DGKK: variants seen among roughly 807,000 people sequenced by gnomAD.
DGKK encodes the protein diacylglycerol kinase kappa.
A neutral mutation model predicts 92.2 loss-of-function variants in DGKK; 35 were observed. The ratio of observed to expected loss-of-function variants is 0.38; its 90% confidence interval spans 0.29 to 0.50. The LOEUF is 0.50. Ranked by LOEUF, DGKK falls within the 20% of genes least tolerant of loss-of-function variation. The probability of loss-of-function intolerance (pLI) is 0.92; values close to 1 mark genes in which losing one functional copy is unlikely to be tolerated. For missense variants in DGKK, 910 were observed against 992.2 expected (o/e 0.92, Z 1.11); for synonymous variants, 368 against 360.6 (o/e 1.02, Z -0.23).
Position 50,408,672 on chromosome X carries a change from C to T in DGKK, c.943-4488G>A, listed in dbSNP as rs527816773. Among the ~76,000 whole-genome samples, 958 of 111,700 alleles carry T rather than the reference C, an allele frequency of 8.6e-3. 7 individuals are homozygous for T. The highest frequency in any genetic ancestry group is 0.037 in the Middle Eastern group (8 of 215). On this transcript the variant is annotated intron_variant, in intron 4 of 27. Coordinates refer to ENST00000611977, the MANE Select transcript of DGKK (RefSeq NM_001013742.4). ...TGCTGGGATTACAGGCATGAGCCAC[C>T]GCGCCCGGCCATTTTATCCCTTTCA...
At chrX:50,374,427 A>G (rs1924219439) in intron 25 of DGKK, among the ~76,000 whole-genome samples, 1 of 111,714 alleles carries the variant, frequency 9.0e-6, no homozygotes, top group Non-Finnish European at 1.9e-5. Flanking sequence ...CTTGATTTGG[A>G]CTTCTAGCTT....
intron 17 of DGKK, among the ~76,000 whole-genome samples, chrX:50,382,864 T>C (rs1368257271): frequency 8.9e-6 from 1 of 112,126 alleles, no homozygotes; most frequent in East Asian, 2.8e-4. Context: ...GCAACATTGA[T>C]GATTTTAGTC....
In DGKK at chrX:50,424,337, T is replaced by C; in HGVS notation, c.667A>G (p.Met223Val). The C allele has an allele frequency of 8.3e-7, 1 of 1,210,309 alleles. No individual in the cohort carries two copies. Among genetic ancestry groups the C allele is most frequent in the Non-Finnish European group, 1.1e-6 (1 of 894,287 alleles). The change falls in exon 2 of 28, where the codon ATG becomes GTG. Residue 223 changes from methionine to valine, a missense_variant. Transcript: ENST00000611977. ...TTGAAAGAGTTACAGTTCTTCAGCA[T>C]AGGTCCTTCCTTCAATATTTTCTGA... ...RIKKILKEGP[M>V]LKNCNSFKRW...
chrX:50,429,581 T>G lies in DGKK; in HGVS notation c.646-5223A>C, dbSNP rs909878490. ...GCGGGCGCCTGTAGTCCCAGCTACT[T>G]GGGAGGCTGAGGCAGGAGACTGGCG... is the stretch of plus-strand genomic sequence containing the variant. On this transcript the variant is annotated intron_variant, in intron 1 of 27. Transcript: ENST00000611977. Among the ~76,000 whole-genome samples the G allele has an allele frequency of 7.2e-5, 8 of 110,812 alleles. No homozygotes were observed. In the East Asian group the frequency reaches 2.3e-3, roughly 32 times the overall value.
chrX:50,371,797 G>T lies in DGKK; in HGVS notation c.3539C>A (p.Ala1180Asp), dbSNP rs969577730. The T allele has an allele frequency of 8.3e-7, 1 of 1,206,324 alleles. No individual in the cohort carries two copies. Among genetic ancestry groups the T allele is most frequent in the African/African-American group, 1.7e-5 (1 of 57,642 alleles). Residue 1180 changes from alanine to aspartate, a missense_variant, in exon 26 of 28, where the codon GCC (alanine) becomes GAC (aspartate). Physicochemically the swap from Ala to Asp is moderately radical, Grantham distance 126. Coordinates refer to ENST00000611977, the MANE Select transcript of DGKK (RefSeq NM_001013742.4). ...SAEDETALQSALDAMNKEFKK... is the reference protein window; with the variant it reads ...SAEDETALQSDLDAMNKEFKK... ...GAACTCCTTATTCATGGCATCCAGG[G>T]CGCTTTGTAGTGCAGTCTCATCCTC... is the stretch of plus-strand genomic sequence containing the variant.
chrX:50,451,255 C>T (rs1926487934), intron 1 of DGKK, among the ~76,000 whole-genome samples: 1 of 111,347 alleles, frequency 9.0e-6, no homozygotes, highest in African/African-American at 3.3e-5. Context: ...GGAGAGACTC[C>T]AAGTGAAAAG....
intron 1 of DGKK, among the ~76,000 whole-genome samples, chrX:50,425,932 C>T (rs1458801092): frequency 4.5e-5 from 5 of 111,889 alleles, no homozygotes; most frequent in African/African-American, 6.5e-5. Context: ...GTACAGTTCT[C>T]AAAAATGGCT....
chrX:50,386,619 A>T (rs782510029), intron 14 of DGKK, 33 bp from the exon 15 acceptor site: 1 of 1,125,935 alleles, frequency 8.9e-7, no homozygotes, highest in African/African-American at 1.8e-5. Flanking sequence ...GGGCATTGTT[A>T]TGAGGGACCC....
rs782505508 is a variant in DGKK, at chrX:50,375,988, T to C, written c.3414+36A>G. Reference sequence around the variant, plus strand: ...CCTTTCATCCTCTTTCCTATCTGGTTTGACTCCTTTCCTTAATTCACTCCT... The same window carrying C: ...CCTTTCATCCTCTTTCCTATCTGGTCTGACTCCTTTCCTTAATTCACTCCT... On this transcript the variant is annotated intron_variant, in intron 24 of 27. Transcript: ENST00000611977. The C allele has an allele frequency of 8.4e-6, 10 of 1,195,898 alleles. No individual in the cohort carries two copies. In the African/African-American group the frequency reaches 1.4e-4, roughly 17 times the overall value.
intron 4 of DGKK, among the ~76,000 whole-genome samples, chrX:50,419,209 G>A (rs1557228863): frequency 9.0e-6 from 1 of 111,686 alleles, no homozygotes; most frequent in Non-Finnish European, 1.9e-5. Flanking sequence ...CTCAATTTAA[G>A]CATATATAAC....
chrX:50,391,192 A>ACTGCAGCC (rs1924685824), intron 11 of DGKK, among the ~76,000 whole-genome samples: 1 of 111,048 alleles, frequency 9.0e-6, no homozygotes, highest in African/African-American at 3.3e-5. Context: ...ATCATGGCCC[A>ACTGCAGCC]CTGCAGCCTT....
chrX:50,409,105 T>C (rs140577701), intron 4 of DGKK, among the ~76,000 whole-genome samples: 1,135 of 111,279 alleles, frequency 0.01, 7 homozygotes, highest in Middle Eastern at 0.037. Context: ...TCATACTATA[T>C]TATGGTGGGC....
At chrX:50,439,185 A>C (rs1926108472) in intron 1 of DGKK, among the ~76,000 whole-genome samples, 1 of 111,698 alleles carries the variant, frequency 9.0e-6, no homozygotes, top group Non-Finnish European at 1.9e-5. Flanking sequence ...TGGCTCCTAA[A>C]GGCCAGTCAC....
intron 2 of DGKK, among the ~76,000 whole-genome samples, 155 bp from the exon 3 acceptor site, chrX:50,422,681 G>A (rs1925630530): frequency 9.1e-6 from 1 of 109,334 alleles, no homozygotes; most frequent in Non-Finnish European, 1.9e-5. Context: ...CATTTCTTTG[G>A]CTTGAGGGCT....
chrX:50,419,394 A>AT (rs1365469356), intron 4 of DGKK, among the ~76,000 whole-genome samples: 3 of 111,580 alleles, frequency 2.7e-5, no homozygotes, highest in African/African-American at 9.8e-5. Flanking sequence ...CATTAGTTTT[A>AT]TTTCTAAACT....
chrX:50,413,618 A>G (rs1925356854), intron 4 of DGKK, among the ~76,000 whole-genome samples: 1 of 112,314 alleles, frequency 8.9e-6, no homozygotes, highest in South Asian at 3.7e-4. Flanking sequence ...CAATATCATT[A>G]ATCATTAAGG....
chrX:50,376,734 C>T (rs371598526), intron 23 of DGKK, 24 bp downstream of exon 23: 55 of 1,139,245 alleles, frequency 4.8e-5, no homozygotes, highest in Non-Finnish European at 6.2e-5. Flanking sequence ...ATTCTCAGCC[C>T]TGTATCTAGG....
chrX:50,427,758 T>C (rs1259019741), intron 1 of DGKK, among the ~76,000 whole-genome samples: 8 of 109,776 alleles, frequency 7.3e-5, no homozygotes, highest in African/African-American at 2.3e-4. Context: ...TATTAATTTT[T>C]TTTAATAAGC....
chrX:50,370,257 C>A (rs782388594), intron 27 of DGKK, among the ~76,000 whole-genome samples, 169 bp downstream of exon 27: 2 of 111,535 alleles, frequency 1.8e-5, no homozygotes, highest in South Asian at 7.7e-4. Context: ...CTTTCTCTCA[C>A]CTTGTCCAAG....
Sources: gnomAD v4.1 joint callset for allele counts (sites outside exome capture counted in the v4.1 genomes callset) on GRCh38, gnomAD v4.1.1 for gene constraint, MANE v1.5 for transcripts, NCBI Gene and HGNC (gene_info 2026-07-23, HGNC 2026-07-21) for gene names.